SMOC1: variants seen among roughly 807,000 people sequenced by gnomAD.
SMOC1 encodes the protein SPARC related modular calcium binding 1.
A neutral mutation model predicts 56.3 loss-of-function variants in SMOC1; 22 were observed. The ratio of observed to expected loss-of-function variants is 0.39; its 90% confidence interval spans 0.28 to 0.56. The LOEUF is 0.56. SMOC1 is among the 20% of genes least tolerant of loss of function. The pLI is 0.61. For synonymous variants in SMOC1, 193 were observed against 215.0 expected (o/e 0.90, Z 0.89); for missense variants, 509 against 565.4 (o/e 0.90, Z 1.01).
intron 1 of SMOC1, among the ~76,000 whole-genome samples, chr14:69,915,478 T>C (rs1415757439): frequency 6.6e-6 from 1 of 152,218 alleles, no homozygotes; most frequent in African/African-American, 2.4e-5. Flanking sequence ...CACTAGATCA[T>C]TTCCTTGTTG....
At position 69,956,995 on chromosome 14, in the gene SMOC1, T is replaced by C. The variant is rs563448995; in HGVS notation, c.378+3463T>C. ...TGGACTTCATCACTCTGTTTCTCGA[T>C]TGCATCCTTGAGACGTGGAATTTAG... On this transcript the variant is annotated intron_variant, in intron 3 of 11. Coordinates refer to ENST00000361956, the MANE Select transcript of SMOC1 (RefSeq NM_001034852.3). Among the ~76,000 whole-genome samples, 89 of 152,320 alleles carry C rather than the reference T, an allele frequency of 5.8e-4. 1 individual carries two copies. The highest frequency in any genetic ancestry group is 1.8e-3 in the African/African-American group (74 of 41,568).
chr14:69,900,623 C>T (rs1392039146), intron 1 of SMOC1, among the ~76,000 whole-genome samples: 3 of 152,180 alleles, frequency 2.0e-5, no homozygotes, highest in East Asian at 1.9e-4. Context: ...GATTCATTGA[C>T]CTGAGATGCT....
At chr14:70,019,098 C>T (rs982674475) in intron 10 of SMOC1, among the ~76,000 whole-genome samples, 2 of 152,256 alleles carry the variant, frequency 1.3e-5, no homozygotes, top group African/African-American at 2.4e-5. Flanking sequence ...GGGGCTGAGG[C>T]TGCAGAAGCA....
At chr14:69,904,966 A>G (rs1358739829) in intron 1 of SMOC1, among the ~76,000 whole-genome samples, 1 of 152,222 alleles carries the variant, frequency 6.6e-6, no homozygotes, top group East Asian at 1.9e-4. Flanking sequence ...AACACTAGAC[A>G]GAATCATGTC....
At chr14:69,885,515 G>A (rs1883776760) in intron 1 of SMOC1, 2 of 1,599,156 alleles carry the variant, frequency 1.3e-6, no homozygotes, top group African/African-American at 2.7e-5. Flanking sequence ...TTTGTCTTCT[G>A]AGTTCACCTG....
In SMOC1 at chr14:70,030,392, T is replaced by C. The variant is rs1220069311; in HGVS notation, c.*134T>C. ...GTGGTGCCCACCATGTTTGCACTTT[T>C]AATAACTCTTACTTGCGTGTTTTGT... On this transcript the variant is annotated 3_prime_UTR_variant, in exon 12 of 12. Coordinates refer to ENST00000361956, the MANE Select transcript of SMOC1 (RefSeq NM_001034852.3). 9.1e-7 allele frequency: 1 copy of C among 1,095,112 alleles called. No homozygotes were observed. The highest frequency in any genetic ancestry group is 1.3e-6 in the Non-Finnish European group (1 of 740,924). The allele number at this position is 1,095,112 out of a possible 1,614,324, so 67.8% of individuals were successfully genotyped here. A position where few individuals can be genotyped will look rare whatever the true frequency, so the allele number is the denominator to read the frequency against.
intron 1 of SMOC1, among the ~76,000 whole-genome samples, chr14:69,902,387 CCA>C (rs1884265696): frequency 6.6e-6 from 1 of 152,160 alleles, no homozygotes; most frequent in Admixed American, 6.5e-5. Context: ...TTAAATATAG[CCA>C]CAGTTTCTTT....
intron 1 of SMOC1, among the ~76,000 whole-genome samples, chr14:69,933,371 T>TA (rs1885215881): frequency 6.6e-6 from 1 of 152,204 alleles, no homozygotes; most frequent in East Asian, 1.9e-4. Flanking sequence ...AAGACTTTTT[T>TA]TTTCACTACG....
chr14:69,991,325 C>A (rs1213896782), intron 5 of SMOC1, among the ~76,000 whole-genome samples: 1 of 152,082 alleles, frequency 6.6e-6, no homozygotes, highest in Non-Finnish European at 1.5e-5. Context: ...CCTCTCCAAG[C>A]CTTCTCTAAG....
chr14:69,879,620 T>C lies in SMOC1; in HGVS notation c.-59T>C. 7.6e-7 allele frequency: 1 copy of C among 1,315,224 alleles called. No individual in the cohort carries two copies. The highest frequency in any genetic ancestry group is 3.6e-5 in the Admixed American group (1 of 27,964). 81.5% of individuals were successfully genotyped at this position (1,315,224 alleles called of 1,614,324 possible). On this transcript the variant is annotated 5_prime_UTR_variant, in exon 1 of 12. Transcript: ENST00000361956. ...CGAAGGAAGGAAGGGAGGCGCGCTG[T>C]GCGCCCCGCGGAGCCCGCGAACCCC...
chr14:69,958,625 AGTCTT>A (rs1457688085), intron 3 of SMOC1, among the ~76,000 whole-genome samples: 1 of 152,222 alleles, frequency 6.6e-6, no homozygotes, highest in Non-Finnish European at 1.5e-5. Flanking sequence ...TTAGTGGGAT[AGTCTT>A]GTAATATGGG....
chr14:69,945,683 G>C (rs1413658424), intron 1 of SMOC1, among the ~76,000 whole-genome samples: 2 of 152,236 alleles, frequency 1.3e-5, no homozygotes, highest in African/African-American at 4.8e-5. Flanking sequence ...AAGCAAAAAG[G>C]TTGAAAGTGA....
chr14:69,941,976 G>T (rs912707276), intron 1 of SMOC1, among the ~76,000 whole-genome samples: 1 of 152,202 alleles, frequency 6.6e-6, no homozygotes, highest in Non-Finnish European at 1.5e-5. Context: ...GAGCCCTGAA[G>T]CATAATAGGT....
rs1280766827 is a variant in SMOC1 at position 69,961,270 on chromosome 14, GTGTA to G, written c.378+7740_378+7743del. Among the ~76,000 whole-genome samples the G allele has an allele frequency of 3.5e-3, 210 of 59,670 alleles. 1 individual carries two copies. Among genetic ancestry groups the G allele is most frequent in the Middle Eastern group, 0.011 (1 of 88 alleles). The allele number at this position is 59,670 out of a possible 152,430, so 39.1% of individuals were successfully genotyped here. ...TTTTATTGTCAAGCAATATTCTATTGTGTATATATATATATATATATATATATAT... is the reference window on the plus strand; with the variant it reads ...TTTTATTGTCAAGCAATATTCTATTGTATATATATATATATATATATATAT... On this transcript the variant is annotated intron_variant, in intron 3 of 11. Transcript: ENST00000361956.
At chr14:69,944,559 T>G (rs1299895055) in intron 1 of SMOC1, among the ~76,000 whole-genome samples, 1 of 152,178 alleles carries the variant, frequency 6.6e-6, no homozygotes, top group Non-Finnish European at 1.5e-5. Context: ...ATTTAGGGTG[T>G]CAAAAAATTG....
intron 11 of SMOC1, among the ~76,000 whole-genome samples, chr14:70,024,746 G>C (rs1885861077): frequency 6.6e-6 from 1 of 152,212 alleles, no homozygotes; most frequent in Admixed American, 6.5e-5. Flanking sequence ...GCAAGGTGAA[G>C]TTGGAGAGTT....
intron 1 of SMOC1, among the ~76,000 whole-genome samples, chr14:69,919,476 A>G (rs1250399188): frequency 6.6e-6 from 1 of 152,246 alleles, no homozygotes; most frequent in Non-Finnish European, 1.5e-5. Context: ...AATTATCACT[A>G]CTAATATTTA....
intron 1 of SMOC1, among the ~76,000 whole-genome samples, chr14:69,944,664 G>A (rs905790015): frequency 6.6e-6 from 1 of 152,052 alleles, no homozygotes; most frequent in Non-Finnish European, 1.5e-5. Context: ...TAATCACATT[G>A]GCCGTTAAAT....
At chr14:69,903,124 G>A (rs868040074) in intron 1 of SMOC1, among the ~76,000 whole-genome samples, 182 of 151,108 alleles carry the variant, frequency 1.2e-3, no homozygotes, top group Non-Finnish European at 1.8e-3. Flanking sequence ...GCCCAGTCTG[G>A]GAAGTGAGGA....
Sources: gnomAD v4.1 joint callset for allele counts (sites outside exome capture counted in the v4.1 genomes callset) on GRCh38, gnomAD v4.1.1 for gene constraint, MANE v1.5 for transcripts, NCBI Gene and HGNC (gene_info 2026-07-23, HGNC 2026-07-21) for gene names.